Variants in KSR2 observed in about 807,000 individuals in gnomAD.
The protein encoded by KSR2 is kinase suppressor of ras 2.
In KSR2, 25 loss-of-function variants were observed where a neutral mutation model predicts 107.8. The ratio of observed to expected loss-of-function variants is 0.23; its 90% CI spans 0.17 to 0.32. The LOEUF (loss-of-function observed/expected upper bound fraction) is 0.32, where lower values mean the gene tolerates loss of function less well. Among genes scored for constraint, KSR2 ranks in the 10% least tolerant of loss-of-function variants. The probability of loss-of-function intolerance (pLI) is 1.00; values close to 1 mark genes in which losing one functional copy is unlikely to be tolerated. For missense variants in KSR2, 887 were observed against 1,268.9 expected (o/e 0.70, Z 4.57); for synonymous variants, 480 against 507.0 (o/e 0.95, Z 0.71).
At chr12:117,511,464 C>T (rs184755236) in intron 14 of KSR2, among the ~76,000 whole-genome samples, 24 of 152,160 alleles carry the variant, frequency 1.6e-4, no homozygotes, top group African/African-American at 5.8e-4. Context: ...CCCAGTACAG[C>T]CTGGCAGGGT....
At chr12:117,645,484 A>T (rs975872131) in intron 5 of KSR2, among the ~76,000 whole-genome samples, 2 of 152,236 alleles carry the variant, frequency 1.3e-5, no homozygotes, top group Non-Finnish European at 2.9e-5. Flanking sequence ...CCCAAAGGGA[A>T]AGAAGTTAGC....
At chr12:117,480,224 C>G (rs1022507294) in intron 16 of KSR2, among the ~76,000 whole-genome samples, 4 of 152,126 alleles carry the variant, frequency 2.6e-5, no homozygotes, top group African/African-American at 9.7e-5. Flanking sequence ...TTCTCTGCTC[C>G]CATCTTTTTG....
At chr12:117,679,485 GAC>G (rs926464873) in intron 4 of KSR2, among the ~76,000 whole-genome samples, 20 of 152,212 alleles carry the variant, frequency 1.3e-4, no homozygotes, top group African/African-American at 4.1e-4. Context: ...GGAAATAGAA[GAC>G]ACAGCTTCCA....
intron 1 of KSR2, among the ~76,000 whole-genome samples, chr12:117,862,873 G>A (rs1005913574): frequency 6.6e-6 from 1 of 151,920 alleles, no homozygotes; most frequent in Non-Finnish European, 1.5e-5. Context: ...GGCACTACAG[G>A]CACCTGCCAC....
intron 3 of KSR2, among the ~76,000 whole-genome samples, chr12:117,835,312 T>C (rs764053643): frequency 3.3e-5 from 5 of 152,140 alleles, no homozygotes; most frequent in African/African-American, 1.2e-4. Flanking sequence ...TGCATGTATG[T>C]GTGTGCATGG....
intron 1 of KSR2, among the ~76,000 whole-genome samples, chr12:117,892,787 C>CAAAAAAAAAAAAAAAAA (rs35897528): frequency 1.1e-5 from 1 of 87,132 alleles, no homozygotes. Flanking sequence ...GTGCTATGTG[C>CAAAAAAAAAAAAAAAAA]AAAAAAAAAA....
chr12:117,646,360 CT>C (rs1883639696), intron 5 of KSR2, among the ~76,000 whole-genome samples: 1 of 152,176 alleles, frequency 6.6e-6, no homozygotes, highest in Admixed American at 6.5e-5. Flanking sequence ...GCAGTATCAG[CT>C]CACTGGGTCC....
chr12:117,691,774 G>T (rs1055816211), intron 4 of KSR2, among the ~76,000 whole-genome samples: 1 of 152,196 alleles, frequency 6.6e-6, no homozygotes, highest in African/African-American at 2.4e-5. Context: ...ATTAAGCCTA[G>T]AGCAGGAAAT....
intron 1 of KSR2, among the ~76,000 whole-genome samples, chr12:117,874,996 G>A (rs1893789093): frequency 1.3e-5 from 2 of 152,160 alleles, no homozygotes; most frequent in Non-Finnish European, 2.9e-5. Flanking sequence ...CTGGAGCCCG[G>A]AGGTGTAATT....
intron 1 of KSR2, among the ~76,000 whole-genome samples, chr12:117,912,890 A>C (rs1895061697): frequency 6.6e-6 from 1 of 152,222 alleles, no homozygotes; most frequent in Admixed American, 6.5e-5. Flanking sequence ...AATGCCAACT[A>C]GGGAAGCTTA....
intron 14 of KSR2, among the ~76,000 whole-genome samples, chr12:117,513,899 T>C (rs1426700885): frequency 6.6e-6 from 1 of 152,232 alleles, no homozygotes; most frequent in Non-Finnish European, 1.5e-5. Context: ...CATGATCCCT[T>C]GAAGTAGGTA....
At chr12:117,860,206 A>G in intron 2 of KSR2, 85 bp downstream of exon 2, 2 of 1,447,044 alleles carry the variant, frequency 1.4e-6, no homozygotes, top group East Asian at 4.6e-5. Flanking sequence ...TGCTGGGCAC[A>G]GCCAGAAACC....
intron 14 of KSR2, among the ~76,000 whole-genome samples, chr12:117,499,181 C>T (rs931160335): frequency 6.6e-6 from 1 of 152,244 alleles, no homozygotes. Context: ...ACTTATTTTT[C>T]AACTCAACAG....
chr12:117,699,237 T>G (rs1886202819), intron 4 of KSR2, among the ~76,000 whole-genome samples: 2 of 152,224 alleles, frequency 1.3e-5, no homozygotes, highest in Admixed American at 1.3e-4. Context: ...TAAATACCTC[T>G]GAATGAATCA....
At chr12:117,717,546 G>A in intron 4 of KSR2, among the ~76,000 whole-genome samples, 1 of 152,062 alleles carries the variant, frequency 6.6e-6, no homozygotes, top group East Asian at 1.9e-4. Context: ...ATTAAAAAAA[G>A]AGGGCCCTAT....
intron 14 of KSR2, among the ~76,000 whole-genome samples, chr12:117,503,502 A>T (rs1873504260): frequency 6.6e-6 from 1 of 152,212 alleles, no homozygotes; most frequent in Non-Finnish European, 1.5e-5. Context: ...CCCACGACCA[A>T]GGAGGCTCCA....
chr12:117,849,074 C>G (rs1290210002), intron 3 of KSR2, among the ~76,000 whole-genome samples: 1 of 152,070 alleles, frequency 6.6e-6, no homozygotes, highest in Admixed American at 6.5e-5. Flanking sequence ...TTGTTGGACT[C>G]CAGATTCCAT....
intron 1 of KSR2, among the ~76,000 whole-genome samples, chr12:117,952,676 A>C (rs972970625): frequency 4.0e-5 from 6 of 151,352 alleles, no homozygotes; most frequent in African/African-American, 1.5e-4. Flanking sequence ...TCTGTCTCAA[A>C]AACAACAACA....
chr12:117,553,551 T>C (rs963797226), intron 9 of KSR2, among the ~76,000 whole-genome samples: 2 of 152,200 alleles, frequency 1.3e-5, no homozygotes, highest in Non-Finnish European at 2.9e-5. Flanking sequence ...GATGTTCCTC[T>C]AGGACCTGAA....
Sources: gnomAD v4.1 joint callset for allele counts (sites outside exome capture counted in the v4.1 genomes callset) on GRCh38, gnomAD v4.1.1 for gene constraint, MANE v1.5 for transcripts, NCBI Gene and HGNC (gene_info 2026-07-23, HGNC 2026-07-21) for gene names.